IGFL4: variants seen among roughly 807,000 people sequenced by gnomAD.
IGFL4 encodes insulin growth factor-like family member 4.
Under a neutral mutation model 15.4 loss-of-function variants are expected in IGFL4, and 12 were observed. That is an observed-to-expected ratio of 0.78 (90% CI 0.50 to 1.26). The LOEUF is 1.26. Among genes scored for constraint, IGFL4 ranks in the 50% most tolerant of loss-of-function variants. The pLI is 0.00. For synonymous variants in IGFL4, 54 were observed against 55.9 expected, an observed-to-expected ratio of 0.97 and a Z score of 0.16; for missense variants, 126 against 147.8, an observed-to-expected ratio of 0.85 and a Z score of 0.76.
chr19:46,045,852 TC>T (rs1175299034), upstream of IGFL4, among the ~76,000 whole-genome samples: 1 of 152,110 alleles, frequency 6.6e-6, no homozygotes, highest in African/African-American at 2.4e-5. Flanking sequence ...CAGGATATCA[TC>T]CAGGAGAACT....
Position 46,040,707 on chromosome 19 carries a change from C to A in IGFL4, c.20-139G>T. 1 of 1,049,112 alleles carries A rather than the reference C, an allele frequency of 9.5e-7. No individual in the cohort carries two copies. The highest frequency in any genetic ancestry group is 1.4e-6 in the Non-Finnish European group (1 of 691,254). 65.0% of individuals were successfully genotyped at this position (1,049,112 alleles called of 1,614,324 possible). ...TTGGGACTGGCTGTGGGTGCAGGTC[C>A]TGGGGACTGGGCTTGGCAGGTGAGG... On this transcript the variant is annotated intron_variant, in intron 1 of 3. Coordinates refer to ENST00000377697, the MANE Select transcript of IGFL4 (RefSeq NM_001002923.3). This position sits in a 1 kb window ranked among gnomAD's most constrained non-coding sequence, Gnocchi z 4.1.
intron 2 of IGFL4, among the ~76,000 whole-genome samples, chr19:46,055,872 G>A (rs181488738): frequency 6.6e-6 from 1 of 152,290 alleles, no homozygotes; most frequent in African/African-American, 2.4e-5. Flanking sequence ...CACCTGCTGG[G>A]TTTAAGTGAT....
At chr19:46,072,583 G>C (rs748486630) in intron 1 of IGFL4, among the ~76,000 whole-genome samples, 47 of 152,218 alleles carry the variant, frequency 3.1e-4, no homozygotes, top group Admixed American at 2.0e-4. Flanking sequence ...AGAAATTAGA[G>C]GCACAGAATG....
chr19:46,073,529 T>C (rs1969566204), intron 1 of IGFL4, among the ~76,000 whole-genome samples: 1 of 152,168 alleles, frequency 6.6e-6, no homozygotes, highest in Non-Finnish European at 1.5e-5. Flanking sequence ...CTAGGCCCTC[T>C]GTGTGATGGA....
At chr19:46,060,735 C>A (rs566729815) in intron 1 of IGFL4, among the ~76,000 whole-genome samples, 106 of 152,304 alleles carry the variant, frequency 7.0e-4, no homozygotes, top group African/African-American at 2.4e-3. Context: ...GATTTGGGAA[C>A]ACATACCAAT....
rs1969358901 is a variant in IGFL4 at position 46,052,872 on chromosome 19, T to TG, written c.-323+7312_-323+7313insC. ...GGTATTTATATGTTATCTCGTTTTT[T>TG]TTTTTTTTTTGGAAATGCTTGCTAC... On this transcript the variant is annotated intron_variant, in intron 2 of 5. Coordinates refer to the IGFL4 transcript ENST00000601672. Among the ~76,000 whole-genome samples, 2 of 150,324 alleles carry TG rather than the reference T, an allele frequency of 1.3e-5. 1 individual carries two copies. The highest frequency in any genetic ancestry group is 4.9e-5 in the African/African-American group (2 of 40,826).
chr19:46,054,440 T>G (rs1969375259), intron 2 of IGFL4, among the ~76,000 whole-genome samples: 1 of 152,186 alleles, frequency 6.6e-6, no homozygotes, highest in South Asian at 2.1e-4. Context: ...TTTTCAGGTT[T>G]TCTGTTCTGT....
At chr19:46,047,705 T>A (rs1381001798) in intron 2 of IGFL4, among the ~76,000 whole-genome samples, 2 of 151,956 alleles carry the variant, frequency 1.3e-5, no homozygotes, top group South Asian at 2.1e-4. Context: ...ACATACACCC[T>A]CCCAAGACTA....
chr19:46,043,496 T>G (rs1356565831), upstream of IGFL4, among the ~76,000 whole-genome samples: 1 of 152,126 alleles, frequency 6.6e-6, no homozygotes, highest in Non-Finnish European at 1.5e-5. Flanking sequence ...CCCAAACAAT[T>G]TTGGTTGATG....
At position 46,065,792 on chromosome 19, in the gene IGFL4, T is replaced by C. The variant is rs1015809438; in HGVS notation, c.-431-5499A>G. Among the ~76,000 whole-genome samples, 10 of 152,320 alleles carry C rather than the reference T, an allele frequency of 6.6e-5. No individual in the cohort carries two copies. In the East Asian group the frequency reaches 1.7e-3, roughly 26 times the overall value. ...CTTAGGGGATTTTCTGTAGAATCTG[T>C]TTCTCTCCAGTTCTTGCCCTATATT... On this transcript the variant is annotated intron_variant, in intron 1 of 5. Coordinates refer to the IGFL4 transcript ENST00000601672.
chr19:46,041,052 C>T (rs186806261), upstream of IGFL4: 188 of 1,231,660 alleles, frequency 1.5e-4, no homozygotes, highest in Admixed American at 9.2e-4. Context: ...ATGAACTTAC[C>T]GCCATTTAGG....
intron 1 of IGFL4, among the ~76,000 whole-genome samples, chr19:46,066,367 C>T (rs898322106): frequency 6.6e-6 from 1 of 152,176 alleles, no homozygotes; most frequent in African/African-American, 2.4e-5. Flanking sequence ...GCTAAACTGG[C>T]AACCATAACT....
intron 1 of IGFL4, among the ~76,000 whole-genome samples, chr19:46,062,580 T>C (rs1047798096): frequency 6.6e-6 from 1 of 152,172 alleles, no homozygotes; most frequent in African/African-American, 2.4e-5. Context: ...CGTTACAAGG[T>C]TAAGCTCCCA....
rs1208275680 is a variant in IGFL4 at position 46,039,608 on chromosome 19, A to T, written c.*284T>A. ...AGTTCTCCTTGAAGAGGTCCTTCAC[A>T]TCCCTTGTAAGTTGGATTCCTAGGT... On this transcript the variant is annotated 3_prime_UTR_variant, in exon 4 of 4. Transcript: ENST00000377697. 1 of 326,974 alleles carries T rather than the reference A, an allele frequency of 3.1e-6. No homozygotes were observed. Among genetic ancestry groups the T allele is most frequent in the African/African-American group, 2.3e-5 (1 of 44,242 alleles). 20.3% of individuals were successfully genotyped at this position (326,974 alleles called of 1,614,324 possible).
intron 2 of IGFL4, chr19:46,057,906 C>T (rs1432181412): frequency 1.3e-5 from 2 of 152,198 alleles, no homozygotes; most frequent in Admixed American, 1.3e-4. Flanking sequence ...TTACCTCCCA[C>T]TGCATCCCTC....
At chr19:46,058,229 G>A (rs1054839624) in intron 2 of IGFL4, 5 of 152,238 alleles carry the variant, frequency 3.3e-5, no homozygotes, top group Admixed American at 2.6e-4. Context: ...CATTCCAAAT[G>A]TGACAGACTG....
At chr19:46,052,966 G>GAAAAAAAA (rs71175255) in intron 2 of IGFL4, among the ~76,000 whole-genome samples, 1 of 112,438 alleles carries the variant, frequency 8.9e-6, no homozygotes, top group African/African-American at 3.4e-5. Context: ...AGTCAGAAAA[G>GAAAAAAAA]AAAAAAAAAA....
At chr19:46,059,554 G>T (rs752531885) in intron 2 of IGFL4, 3 of 152,132 alleles carry the variant, frequency 2.0e-5, no homozygotes, top group Non-Finnish European at 2.9e-5. Context: ...GGAATAAGCA[G>T]TCAGTCTAAA....
intron 2 of IGFL4, among the ~76,000 whole-genome samples, chr19:46,052,077 C>T (rs918086871): frequency 6.6e-6 from 1 of 152,156 alleles, no homozygotes; most frequent in Non-Finnish European, 1.5e-5. Flanking sequence ...GACAGGTCAT[C>T]AAGGCAGAAG....
Sources: gnomAD v4.1 joint callset for allele counts (sites outside exome capture counted in the v4.1 genomes callset) on GRCh38, gnomAD v4.1.1 for gene constraint, Gnocchi (gnomAD v3.1) non-coding constraint, MANE v1.5 for transcripts, NCBI Gene and HGNC (gene_info 2026-07-23, HGNC 2026-07-21) for gene names.